ARHGAP28: variants seen among roughly 807,000 people sequenced by gnomAD.
The protein encoded by ARHGAP28 is Rho GTPase activating protein 28, also known as rho GTPase-activating protein 28.
A neutral mutation model predicts 90.7 loss-of-function variants in ARHGAP28; 56 were observed. The observed-to-expected ratio is 0.62, with a 90% CI of 0.50 to 0.77. The LOEUF (loss-of-function observed/expected upper bound fraction) is 0.77, where lower values mean the gene tolerates loss of function less well. Ranked by LOEUF, ARHGAP28 falls within the 30% of genes least tolerant of loss-of-function variation. The pLI is 0.00. For missense variants in ARHGAP28, 869 were observed against 900.9 expected (o/e 0.96, Z 0.45); for synonymous variants, 308 against 323.3 (o/e 0.95, Z 0.51).
At chr18:6,904,102 A>C (rs761525175) in intron 16 of ARHGAP28, among the ~76,000 whole-genome samples, 2 of 152,126 alleles carry the variant, frequency 1.3e-5, no homozygotes, top group Admixed American at 1.3e-4. Context: ...AACATATAAA[A>C]TTATGTGATG....
chr18:6,862,035 C>G (rs2057002592), intron 5 of ARHGAP28, among the ~76,000 whole-genome samples: 1 of 152,178 alleles, frequency 6.6e-6, no homozygotes, highest in Non-Finnish European at 1.5e-5. Flanking sequence ...TAAAAAATAT[C>G]TCACTGGCAC....
chr18:6,839,292 ATTTTTTTTTT>A (rs368008575), intron 3 of ARHGAP28, among the ~76,000 whole-genome samples: 1 of 133,962 alleles, frequency 7.5e-6, no homozygotes, highest in African/African-American at 2.8e-5. Context: ...AACCAGCATA[ATTTTTTTTTT>A]TTTTTTTTTG....
At chr18:6,864,583 A>G (rs2057023901) in intron 5 of ARHGAP28, among the ~76,000 whole-genome samples, 2 of 152,188 alleles carry the variant, frequency 1.3e-5, no homozygotes, top group South Asian at 4.1e-4. Context: ...GATGGTAAAT[A>G]TTACTCATTT....
At chr18:6,841,164 TCTC>T (rs1178538847) in intron 3 of ARHGAP28, among the ~76,000 whole-genome samples, 9 of 100,412 alleles carry the variant, frequency 9.0e-5, no homozygotes, top group South Asian at 3.4e-4. Flanking sequence ...TCTTTCTCTC[TCTC>T]CTCTCTCTCT....
At chr18:6,900,703 C>T (rs1038557917) in intron 16 of ARHGAP28, among the ~76,000 whole-genome samples, 1 of 150,648 alleles carries the variant, frequency 6.6e-6, no homozygotes, top group African/African-American at 2.4e-5. Flanking sequence ...AAATATCATA[C>T]AATCAGCGTC....
intron 1 of ARHGAP28, among the ~76,000 whole-genome samples, chr18:6,738,567 T>C (rs954039144): frequency 6.6e-6 from 1 of 151,802 alleles, no homozygotes; most frequent in African/African-American, 2.4e-5. Flanking sequence ...TGAAGATCAG[T>C]AGAGAAATCT....
intron 5 of ARHGAP28, 52 bp from the exon 6 acceptor site, chr18:6,868,098 T>A: frequency 7.0e-7 from 1 of 1,425,356 alleles, no homozygotes; most frequent in Non-Finnish European, 9.9e-7. Flanking sequence ...AAATGTGAGG[T>A]GGACTGTATT....
At chr18:6,836,239 AG>A (rs1451510695) in intron 2 of ARHGAP28, 1 of 152,630 alleles carries the variant, frequency 6.6e-6, no homozygotes, top group African/African-American at 2.4e-5. Flanking sequence ...GATCCCAGGG[AG>A]AAGATGGCAG....
At chr18:6,741,083 C>G (rs1325017986) in intron 1 of ARHGAP28, among the ~76,000 whole-genome samples, 1 of 152,196 alleles carries the variant, frequency 6.6e-6, no homozygotes, top group Admixed American at 6.5e-5. Context: ...AACACTATTA[C>G]AACCACCCTT....
chr18:6,851,353 A>T (rs1287631612), intron 4 of ARHGAP28, among the ~76,000 whole-genome samples: 1 of 152,192 alleles, frequency 6.6e-6, no homozygotes, highest in African/African-American at 2.4e-5. Context: ...ATTAATGATT[A>T]TGGAAATGCG....
intron 4 of ARHGAP28, 63 bp downstream of exon 4, chr18:6,851,189 G>A: frequency 6.7e-7 from 1 of 1,483,686 alleles, no homozygotes; most frequent in Admixed American, 1.8e-5. Flanking sequence ...CAAGATGGTT[G>A]AGCAAAACTT....
intron 1 of ARHGAP28, among the ~76,000 whole-genome samples, chr18:6,785,817 C>T (rs772220051): frequency 3.3e-5 from 5 of 152,018 alleles, no homozygotes; most frequent in East Asian, 3.9e-4. Context: ...TAATACCATA[C>T]GGTGATAGTG....
chr18:6,832,020 G>T (rs1303250499), intron 2 of ARHGAP28, among the ~76,000 whole-genome samples: 5 of 151,936 alleles, frequency 3.3e-5, no homozygotes, highest in Non-Finnish European at 7.4e-5. Context: ...ATGTTTTTGT[G>T]TTTAATTTGC....
intron 3 of ARHGAP28, among the ~76,000 whole-genome samples, chr18:6,841,209 CTCT>C (rs1427730995): frequency 2.8e-4 from 5 of 17,594 alleles, no homozygotes; most frequent in African/African-American, 8.0e-4. Flanking sequence ...CTCTCCTCTC[CTCT>C]CTCTCTCTCT....
chr18:6,889,913 T>C lies in ARHGAP28; in HGVS notation c.1562T>C (p.Val521Ala), dbSNP rs2057251168. ...AQALMTFFNK[V>A]IANESKNRMS... is the part of the protein sequence containing the mutation. ...GCCCTCATGACATTCTTCAATAAAG[T>C]GATTGCCAATGAATCAAAAAACCGA... Residue 521 changes from valine to alanine, a missense_variant, in exon 13 of 18, where the codon GTG becomes GCG. Transcript: ENST00000383472. 6.2e-7 allele frequency: 1 copy of C among 1,614,006 alleles called. No homozygotes were observed.
chr18:6,863,207 A>G (rs1200269533), intron 5 of ARHGAP28, among the ~76,000 whole-genome samples: 4 of 151,944 alleles, frequency 2.6e-5, no homozygotes, highest in Non-Finnish European at 5.9e-5. Context: ...GATTTTTCTT[A>G]TGAATTCTTC....
intron 1 of ARHGAP28, among the ~76,000 whole-genome samples, chr18:6,792,072 C>G (rs187039003): frequency 2.4e-4 from 37 of 152,226 alleles, no homozygotes; most frequent in Admixed American, 4.6e-4. Context: ...GCTGGGATTA[C>G]AGATGTGAAC....
chr18:6,810,972 C>A (rs1036054260), intron 1 of ARHGAP28, among the ~76,000 whole-genome samples: 2 of 151,970 alleles, frequency 1.3e-5, no homozygotes, highest in African/African-American at 4.8e-5. Flanking sequence ...GGCCTCTCCC[C>A]AAATCTTCTG....
chr18:6,735,235 G>A (rs1362553795), intron 1 of ARHGAP28, among the ~76,000 whole-genome samples: 1 of 152,186 alleles, frequency 6.6e-6, no homozygotes, highest in Non-Finnish European at 1.5e-5. Context: ...CCTTTACCCA[G>A]ATTCCCCAAA....
Sources: gnomAD v4.1 joint callset for allele counts (sites outside exome capture counted in the v4.1 genomes callset) on GRCh38, gnomAD v4.1.1 for gene constraint, MANE v1.5 for transcripts, NCBI Gene and HGNC (gene_info 2026-07-23, HGNC 2026-07-21) for gene names.